Variants in ETV5 observed in about 807,000 individuals in gnomAD.
ETV5 encodes ETS translocation variant 5.
In ETV5, 10 loss-of-function variants were observed where a neutral mutation model predicts 70.0. That is an observed-to-expected ratio of 0.14 (90% CI 0.09 to 0.24). The LOEUF is 0.24. Ranked by LOEUF, ETV5 falls within the 10% of genes least tolerant of loss-of-function variation. The pLI is 1.00. For synonymous variants in ETV5, 216 were observed against 242.2 expected (o/e 0.89, Z 1.01); for missense variants, 453 against 651.2 (o/e 0.70, Z 3.31).
intron 5 of ETV5, among the ~76,000 whole-genome samples, chr3:186,093,958 G>A (rs1488751148): frequency 1.3e-5 from 2 of 152,164 alleles, no homozygotes; most frequent in South Asian, 2.1e-4. Context: ...GACCTGTTGC[G>A]GGCCTTTGGA....
At chr3:186,073,594 A>G (rs770996287) in intron 7 of ETV5, among the ~76,000 whole-genome samples, 1 of 152,262 alleles carries the variant, frequency 6.6e-6, no homozygotes, top group Non-Finnish European at 1.5e-5. Context: ...CATATAGTCC[A>G]GGCAACCAGA....
rs1474221755 is a variant in ETV5 at position 186,064,495 on chromosome 3, T to C, written c.911-19A>G. On this transcript the variant is annotated intron_variant, in intron 8 of 12. Coordinates refer to ENST00000306376, the MANE Select transcript of ETV5 (RefSeq NM_004454.3). ...GGCACTTCTGAAAGGAAAGCAAAGG[T>C]GGACACAATCCTGTCAATAGTTTCT... is the stretch of plus-strand genomic sequence containing the variant. The C allele has an allele frequency of 7.4e-6, 12 of 1,613,326 alleles. No homozygotes were observed. Among genetic ancestry groups the C allele is most frequent in the Non-Finnish European group, 1.0e-5 (12 of 1,179,310 alleles).
intron 5 of ETV5, among the ~76,000 whole-genome samples, chr3:186,089,780 G>A (rs1319066533): frequency 1.3e-5 from 2 of 152,140 alleles, no homozygotes; most frequent in Admixed American, 6.6e-5. Context: ...GACAAATGAA[G>A]CATAAACATA....
At chr3:186,078,896 ACCT>A (rs1377809754) in intron 7 of ETV5, 1 of 254,996 alleles carries the variant, frequency 3.9e-6, no homozygotes, top group African/African-American at 2.2e-5. Flanking sequence ...AAATAAAATG[ACCT>A]CCAAGTAAAT....
intron 5 of ETV5, among the ~76,000 whole-genome samples, chr3:186,098,587 T>C (rs752529874): frequency 1.3e-5 from 2 of 152,036 alleles, no homozygotes; most frequent in African/African-American, 4.8e-5. Flanking sequence ...TGTGGAGATC[T>C]AAGGTTGGAG....
At chr3:186,108,517 A>T (rs996984706) in intron 1 of ETV5, 1 of 1,285,404 alleles carries the variant, frequency 7.8e-7, no homozygotes. Context: ...ATTCCCCTCA[A>T]ACTGCTTCCC....
chr3:186,067,074 C>T (rs532576622), intron 7 of ETV5, among the ~76,000 whole-genome samples: 27 of 152,272 alleles, frequency 1.8e-4, no homozygotes, highest in South Asian at 8.3e-4. Context: ...GCGGGCAGAT[C>T]GCTTGAGGTC....
chr3:186,077,975 A>G, intron 7 of ETV5: 1 of 1,060,226 alleles, frequency 9.4e-7, no homozygotes, highest in South Asian at 4.6e-5. Flanking sequence ...AGGAGGAATC[A>G]CCCAAGAAAA....
Position 186,047,616 on chromosome 3 carries a change from T to G in ETV5, c.*1023A>C. 4.3e-6 allele frequency: 1 copy of G among 232,668 alleles called. No homozygotes were observed. Among genetic ancestry groups the G allele is most frequent in the East Asian group, 6.1e-5 (1 of 16,468 alleles). The allele number at this position is 232,668 out of a possible 1,614,324, so 14.4% of individuals were successfully genotyped here. Reference sequence around the variant, plus strand: ...ACACTTCAAAAATGTACAACTCAGGTGCAAATGTTCCATCAGGTTGTCTGG... The same window carrying G: ...ACACTTCAAAAATGTACAACTCAGGGGCAAATGTTCCATCAGGTTGTCTGG... On this transcript the variant is annotated 3_prime_UTR_variant, in exon 13 of 13. Transcript: ENST00000306376.
chr3:186,080,849 A>T, intron 6 of ETV5, 197 bp downstream of exon 6: 1 of 502,726 alleles, frequency 2.0e-6, no homozygotes, highest in East Asian at 3.5e-5. Context: ...CAAGGTTTTT[A>T]ATGGTTTTCT....
rs559349311 is a variant in ETV5, at chr3:186,057,749, G to A, written c.971-258C>T. ...ACTGCAGGGAAGTGCTGAGTCACCA[G>A]TACGTTCCTTTGCATTTTGCTTCTG... On this transcript the variant is annotated intron_variant, in intron 9 of 12. Coordinates refer to ENST00000306376, the MANE Select transcript of ETV5 (RefSeq NM_004454.3). The surrounding 1 kb of genome is among the most constrained non-coding windows in gnomAD (Gnocchi z 4.9). 9.2e-5 allele frequency among the ~76,000 whole-genome samples: 14 copies of A among 152,172 alleles called. No individual in the cohort carries two copies. The highest frequency in any genetic ancestry group is 2.1e-4 in the Non-Finnish European group (14 of 68,036).
chr3:186,075,740 G>A (rs1466044364), intron 7 of ETV5, among the ~76,000 whole-genome samples: 1 of 152,194 alleles, frequency 6.6e-6, no homozygotes, highest in East Asian at 1.9e-4. Context: ...CCACAATACT[G>A]ATGCCCTTAG....
chr3:186,088,030 T>A (rs2150151520), intron 5 of ETV5, among the ~76,000 whole-genome samples: 1 of 152,278 alleles, frequency 6.6e-6, no homozygotes, highest in East Asian at 1.9e-4. Flanking sequence ...ACTAAGCCCA[T>A]CCAGATTTCT....
rs2108446366 is a variant in ETV5, at chr3:186,105,039, G to A, written c.232+266C>T. 3.1e-6 allele frequency: 1 copy of A among 320,860 alleles called. No homozygotes were observed. The highest frequency in any genetic ancestry group is 2.2e-5 in the African/African-American group (1 of 45,440). The allele number at this position is 320,860 out of a possible 1,614,324, so 19.9% of individuals were successfully genotyped here. A position where few individuals can be genotyped will look rare whatever the true frequency, so the allele number is the denominator to read the frequency against. On this transcript the variant is annotated intron_variant, in intron 5 of 12. Coordinates refer to ENST00000306376, the MANE Select transcript of ETV5 (RefSeq NM_004454.3). The surrounding 1 kb of genome is among the most constrained non-coding windows in gnomAD (Gnocchi z 4.5). ...TTATAGGTGTGAGCCACTGTGCCCA[G>A]TCAGCTTTACAATATTCTTAAGGTA...
At chr3:186,055,836 C>G (rs1713149548) in intron 11 of ETV5, among the ~76,000 whole-genome samples, 1 of 152,132 alleles carries the variant, frequency 6.6e-6, no homozygotes, top group South Asian at 2.1e-4. Context: ...ACACTGAAAA[C>G]AGCAATTCTC....
In ETV5 at chr3:186,057,385, C is replaced by CCT. The variant is rs758564769; in HGVS notation, c.1039+36_1039+37dup. On this transcript the variant is annotated intron_variant, in intron 10 of 12. Transcript: ENST00000306376. This position sits in a 1 kb window ranked among gnomAD's most constrained non-coding sequence, Gnocchi z 4.9. ...GCTGAGGTGTTCTGACACCTCCAAA[C>CCT]CTCTACCTGGCAACAAACCTTGGAT... The CCT allele has an allele frequency of 3.1e-6, 5 of 1,611,500 alleles. No individual in the cohort carries two copies. The highest frequency in any genetic ancestry group is 4.2e-6 in the Non-Finnish European group (5 of 1,177,730).
rs1254151381 is a variant in ETV5 at position 186,052,453 on chromosome 3, C to A, written c.1210-322G>T. On this transcript the variant is annotated intron_variant, in intron 11 of 12. Coordinates refer to ENST00000306376, the MANE Select transcript of ETV5 (RefSeq NM_004454.3). This position sits in a 1 kb window ranked among gnomAD's most constrained non-coding sequence, Gnocchi z 4.5. The stretch of plus-strand genomic sequence containing the variant: ...GAATTATTGACCAATACCCATAGAC[C>A]ATTAACGTGTTGCCATTAAGTGCTA... Among the ~76,000 whole-genome samples the A allele has an allele frequency of 1.3e-5, 2 of 152,270 alleles. No individual in the cohort carries two copies. The highest frequency in any genetic ancestry group is 4.8e-5 in the African/African-American group (2 of 41,538).
At chr3:186,083,193 G>A (rs562848510) in intron 5 of ETV5, among the ~76,000 whole-genome samples, 9 of 152,308 alleles carry the variant, frequency 5.9e-5, no homozygotes, top group Admixed American at 5.2e-4. Flanking sequence ...GCACTGCCCC[G>A]TGGTCACTGC....
intron 5 of ETV5, among the ~76,000 whole-genome samples, chr3:186,086,949 C>T (rs1346061282): frequency 1.3e-5 from 2 of 151,986 alleles, no homozygotes; most frequent in Admixed American, 1.3e-4. Context: ...CCAGACTGGG[C>T]AACAGAGTGA....
Sources: gnomAD v4.1 joint callset for allele counts (sites outside exome capture counted in the v4.1 genomes callset) on GRCh38, gnomAD v4.1.1 for gene constraint, Gnocchi (gnomAD v3.1) non-coding constraint, MANE v1.5 for transcripts, NCBI Gene and HGNC (gene_info 2026-07-23, HGNC 2026-07-21) for gene names.